Variants in POLR1C observed in about 807,000 individuals in gnomAD.
POLR1C encodes RNA polymerase I and III subunit C.
In POLR1C, 42 loss-of-function variants were observed where a neutral mutation model predicts 38.3. That is an observed-to-expected ratio of 1.10 (90% CI 0.86 to 1.42). The LOEUF (loss-of-function observed/expected upper bound fraction) is 1.42. POLR1C is among the 40% of genes most tolerant of loss of function. The pLI is 0.00. For synonymous variants in POLR1C, 163 were observed against 163.9 expected, an observed-to-expected ratio of 0.99 and a Z score of 0.04; for missense variants, 507 against 450.5, an observed-to-expected ratio of 1.13 and a Z score of -1.14.
intron 10 of POLR1C, among the ~76,000 whole-genome samples, chr6:43,559,388 G>A (rs1265314355): frequency 6.6e-6 from 1 of 152,188 alleles, no homozygotes; most frequent in East Asian, 1.9e-4. Context: ...ATTCTCTGAT[G>A]TTACAAATTG....
chr6:43,520,175 G>A lies in POLR1C; in HGVS notation c.492G>A (p.Val164=), dbSNP rs1350523699. 1 of 1,614,224 alleles carries A rather than the reference G, an allele frequency of 6.2e-7. No homozygotes were observed. Among genetic ancestry groups the A allele is most frequent in the Non-Finnish European group, 8.5e-7 (1 of 1,180,052 alleles). ...KDSSDPNELY[V]NHKVYTRHMT... ...CCTCTGACCCCAACGAACTGTACGTGAACCACAAAGGTGAGTAGTGGTAGG... is the reference window on the plus strand; with the variant it reads ...CCTCTGACCCCAACGAACTGTACGTAAACCACAAAGGTGAGTAGTGGTAGG... The change falls in exon 5 of 9, where the codon GTG becomes GTA. Residue 164 remains valine (V), a synonymous_variant. Coordinates refer to ENST00000642195, the MANE Select transcript of POLR1C (RefSeq NM_203290.4).
intron 10 of POLR1C, chr6:43,558,961 A>G (rs146703459): frequency 5.9e-6 from 1 of 169,530 alleles, no homozygotes; most frequent in African/African-American, 2.4e-5. Context: ...AGAACTTTGT[A>G]TGTTTCATTC....
chr6:43,529,909 C>A (rs1310005886), downstream of POLR1C, among the ~76,000 whole-genome samples: 988 of 96,892 alleles, frequency 0.01, no homozygotes, highest in East Asian at 0.014. Flanking sequence ...GACCCTGTCT[C>A]AAAAAAAAAA....
At chr6:43,520,208 A>C in intron 5 of POLR1C, 23 bp downstream of exon 5, 1 of 1,614,164 alleles carries the variant, frequency 6.2e-7, no homozygotes, top group Non-Finnish European at 8.5e-7. Context: ...AGGGTGAGGA[A>C]GAGGCCCCAC....
At chr6:43,556,971 T>TGC (rs1762123744) in intron 10 of POLR1C, among the ~76,000 whole-genome samples, 1 of 151,416 alleles carries the variant, frequency 6.6e-6, no homozygotes, top group African/African-American at 2.4e-5. Context: ...CTACTAAAAA[T>TGC]AAAACAATTA....
intron 9 of POLR1C, among the ~76,000 whole-genome samples, chr6:43,545,112 AT>A (rs1794900073): frequency 6.6e-6 from 1 of 151,832 alleles, no homozygotes; most frequent in Admixed American, 6.6e-5. Context: ...ACCTCAAGTG[AT>A]TGACCCACCT....
downstream of POLR1C, chr6:43,522,718 T>G (rs573240601): frequency 1.0e-5 from 5 of 502,332 alleles, no homozygotes; most frequent in East Asian, 2.8e-4. Flanking sequence ...AACCCTCTTG[T>G]CAGTGGACTG....
At position 43,526,583 on chromosome 6, in the gene POLR1C, G is replaced by T. The variant is rs1193469160; in HGVS notation, c.923-2666G>T. 3.9e-6 allele frequency: 5 copies of T among 1,288,088 alleles called. No individual in the cohort carries two copies. The African/African-American group carries it at 7.3e-5, about 19-fold the overall frequency. 79.8% of individuals were successfully genotyped at this position (1,288,088 alleles called of 1,614,324 possible). A position where few individuals can be genotyped will look rare whatever the true frequency, so the allele number is the denominator to read the frequency against. On this transcript the variant is annotated intron_variant, in intron 8 of 8. Coordinates refer to the POLR1C transcript ENST00000304004. The stretch of plus-strand genomic sequence containing the variant: ...TCCAGAGATGATAACTACATGTAGG[G>T]TGTCTTCTCCTCACCAGACTGCAAG...
rs1032617910 is a variant in POLR1C, at chr6:43,518,679, AAGG to A, written c.142-648_142-646del. On this transcript the variant is annotated intron_variant, in intron 2 of 8. Transcript: ENST00000642195. The stretch of plus-strand genomic sequence containing the variant: ...CAGAAACCAGGGGAATAGTTCAAAA[AAGG>A]AGGAGATTTTTTTCTTTGCTTTTCA... Among the ~76,000 whole-genome samples the A allele has an allele frequency of 2.0e-4, 31 of 152,238 alleles. 1 individual carries two copies. The highest frequency in any genetic ancestry group is 3.4e-3 in the Middle Eastern group (1 of 294).
downstream of POLR1C, chr6:43,523,756 G>C (rs1422221485): frequency 1.3e-6 from 2 of 1,554,612 alleles, no homozygotes; most frequent in Admixed American, 1.7e-5. Context: ...TCTCTTTCCA[G>C]GCTGACAGTG....
At chr6:43,524,867 G>A, downstream of POLR1C, 1 of 1,613,918 alleles carries the variant, frequency 6.2e-7, no homozygotes, top group Non-Finnish European at 8.5e-7. Context: ...GATGGACCAG[G>A]GAAGCCATGC....
At chr6:43,529,183 TA>T in intron 8 of POLR1C, 7 of 1,465,356 alleles carry the variant, frequency 4.8e-6, no homozygotes, top group South Asian at 1.1e-5. Context: ...AAAGTAGGAA[TA>T]AAAAAATAGG....
At chr6:43,543,985 T>G (rs879318045) in intron 9 of POLR1C, among the ~76,000 whole-genome samples, 8 of 152,160 alleles carry the variant, frequency 5.3e-5, no homozygotes, top group African/African-American at 1.7e-4. Flanking sequence ...CCAATAAAAT[T>G]TACTAAAAAA....
At chr6:43,551,351 G>C (rs1561877330) in intron 10 of POLR1C, 2 of 1,614,010 alleles carry the variant, frequency 1.2e-6, no homozygotes, top group Non-Finnish European at 1.7e-6. Flanking sequence ...AATGGAAAGA[G>C]TGCAGAGACA....
downstream of POLR1C, chr6:43,524,014 A>G: frequency 6.2e-7 from 1 of 1,610,696 alleles, no homozygotes; most frequent in Non-Finnish European, 8.5e-7. Context: ...TTCTGTGGAA[A>G]ACAAATGAGA....
chr6:43,553,714 C>G, intron 10 of POLR1C: 1 of 1,052,772 alleles, frequency 9.5e-7, no homozygotes. Context: ...AGGTTCCTAC[C>G]ATGCCTCCTC....
At position 43,521,441 on chromosome 6, in the gene POLR1C, A is replaced by G; in HGVS notation, c.*141A>G. The G allele has an allele frequency of 6.5e-7, 1 of 1,532,376 alleles. No individual in the cohort carries two copies. Among genetic ancestry groups the G allele is most frequent in the Non-Finnish European group, 8.8e-7 (1 of 1,141,656 alleles). 94.9% of individuals were successfully genotyped at this position (1,532,376 alleles called of 1,614,324 possible). A position where few individuals can be genotyped will look rare whatever the true frequency, so the allele number is the denominator to read the frequency against. ...AGCTTTAATCAATACATTTTGTTAA[A>G]TGTGCCATAAAATGAGACTTTTTAC... On this transcript the variant is annotated 3_prime_UTR_variant, in exon 9 of 9. Coordinates refer to ENST00000642195, the MANE Select transcript of POLR1C (RefSeq NM_203290.4).
At chr6:43,528,243 G>A in intron 8 of POLR1C, 1 of 1,553,002 alleles carries the variant, frequency 6.4e-7, no homozygotes, top group Non-Finnish European at 8.7e-7. Flanking sequence ...TAGAATTGGG[G>A]AAAGGATTGG....
At chr6:43,523,238 C>A, downstream of POLR1C, 1 of 189,824 alleles carries the variant, frequency 5.3e-6, no homozygotes, top group South Asian at 1.0e-4. Context: ...AGGTACTATA[C>A]TTGATACTGT....
Sources: gnomAD v4.1 joint callset for allele counts (sites outside exome capture counted in the v4.1 genomes callset) on GRCh38, gnomAD v4.1.1 for gene constraint, MANE v1.5 for transcripts, NCBI Gene and HGNC (gene_info 2026-07-23, HGNC 2026-07-21) for gene names.